PEBP4: variants seen among roughly 807,000 people sequenced by gnomAD.
PEBP4 encodes the protein phosphatidylethanolamine-binding protein 4.
PEBP4 carries 22 observed loss-of-function variants against 23.9 expected under a neutral mutation model. That is an observed-to-expected ratio of 0.92 (90% CI 0.66 to 1.31). PEBP4 has a LOEUF of 1.31. PEBP4 is among the 40% of genes most tolerant of loss of function. The probability of loss-of-function intolerance (pLI) is 0.00; values close to 1 mark genes in which losing one functional copy is unlikely to be tolerated. For missense variants in PEBP4, 324 were observed against 281.7 expected (o/e 1.15, Z -1.07); for synonymous variants, 112 against 99.3 (o/e 1.13, Z -0.76).
chr8:22,777,605 G>A (rs545036609), intron 4 of PEBP4, among the ~76,000 whole-genome samples: 24 of 152,280 alleles, frequency 1.6e-4, no homozygotes, highest in Admixed American at 1.3e-3. Flanking sequence ...TAGCTCCATC[G>A]GATACAGGGT....
At chr8:22,719,334 G>A (rs1295817285) in intron 6 of PEBP4, among the ~76,000 whole-genome samples, 1 of 152,186 alleles carries the variant, frequency 6.6e-6, no homozygotes, top group Non-Finnish European at 1.5e-5. Flanking sequence ...TCCTCTCGTG[G>A]GGCAGAGAGG....
chr8:22,731,518 G>A lies in PEBP4; in HGVS notation c.358-4298C>T, dbSNP rs532401080. On this transcript the variant is annotated intron_variant, in intron 4 of 6. Coordinates refer to ENST00000256404, the MANE Select transcript of PEBP4 (RefSeq NM_144962.3). The stretch of plus-strand genomic sequence containing the variant: ...TGACTGTTTATGTTATTGGCTTCCC[G>A]TCAACAGTAGGCTATTAGTAGTTAA... Among the ~76,000 whole-genome samples, 15 of 152,288 alleles carry A rather than the reference G, an allele frequency of 9.8e-5. 3 individuals carry two copies. The highest frequency in any genetic ancestry group is 2.4e-4 in the African/African-American group (10 of 41,552).
At chr8:22,882,972 C>G (rs1009091861) in intron 3 of PEBP4, among the ~76,000 whole-genome samples, 3 of 152,230 alleles carry the variant, frequency 2.0e-5, no homozygotes, top group African/African-American at 7.2e-5. Flanking sequence ...TTCCCTAGTT[C>G]CCTCTGCCTC....
At chr8:22,903,872 T>C (rs1460868936) in intron 3 of PEBP4, among the ~76,000 whole-genome samples, 1 of 152,190 alleles carries the variant, frequency 6.6e-6, no homozygotes, top group Non-Finnish European at 1.5e-5. Flanking sequence ...AAGGCAGATA[T>C]TGCTCTCCCA....
At chr8:22,846,209 CA>C (rs1807432957) in intron 3 of PEBP4, among the ~76,000 whole-genome samples, 1 of 152,150 alleles carries the variant, frequency 6.6e-6, no homozygotes. Flanking sequence ...TCACAGGCAT[CA>C]GGGGAGGCTG....
chr8:22,865,524 T>TA lies in PEBP4; in HGVS notation c.259-47790dup, dbSNP rs1807874361. Among the ~76,000 whole-genome samples the TA allele has an allele frequency of 6.6e-6, 1 of 151,496 alleles. No individual in the cohort carries two copies. The highest frequency in any genetic ancestry group is 2.4e-5 in the African/African-American group (1 of 41,242). On this transcript the variant is annotated intron_variant, in intron 3 of 6. Coordinates refer to ENST00000256404, the MANE Select transcript of PEBP4 (RefSeq NM_144962.3). This position sits in a 1 kb window ranked among gnomAD's most constrained non-coding sequence, Gnocchi z 6.9. ...GCGAGAAGGAGCCTCGGGGAAGAGC[T>TA]AAAAAAGGCAAGGCGCTGCTGCCGG...
chr8:22,810,693 TGTGTGTGTGTGTGTGTGTGTGAGA>T lies in PEBP4; in HGVS notation c.357+6920_357+6943del, dbSNP rs1192887344. ...GGGTGTGTGTGTGTGTGTGTGTGTG[TGTGTGTGTGTGTGTGTGTGTGAGA>T]GAGAGAGAGAGAAAGAGAAAGAAAG... On this transcript the variant is annotated intron_variant, in intron 4 of 6. Transcript: ENST00000256404. 4.0e-5 allele frequency among the ~76,000 whole-genome samples: 6 copies of T among 148,428 alleles called. No individual in the cohort carries two copies. In the East Asian group the frequency reaches 9.7e-4, roughly 24 times the overall value.
At chr8:22,841,994 CAGA>C (rs1382778868) in intron 3 of PEBP4, among the ~76,000 whole-genome samples, 6 of 152,214 alleles carry the variant, frequency 3.9e-5, no homozygotes, top group Non-Finnish European at 8.8e-5. Flanking sequence ...CATGTAAGGA[CAGA>C]AGAAGGAGAC....
chr8:22,890,265 A>T (rs1053486480), intron 3 of PEBP4, among the ~76,000 whole-genome samples: 7 of 152,232 alleles, frequency 4.6e-5, no homozygotes, highest in African/African-American at 1.7e-4. Flanking sequence ...ACTTTCACTA[A>T]GCTGCAGACA....
chr8:22,909,210 C>T (rs1359378374), intron 3 of PEBP4, among the ~76,000 whole-genome samples: 2 of 152,134 alleles, frequency 1.3e-5, no homozygotes, highest in Non-Finnish European at 2.9e-5. Context: ...AGATAGAGGG[C>T]GATCTCCGCC....
At chr8:22,838,880 T>C (rs1807264911) in intron 3 of PEBP4, among the ~76,000 whole-genome samples, 2 of 152,242 alleles carry the variant, frequency 1.3e-5, no homozygotes, top group East Asian at 3.9e-4. Context: ...ACAGAACGGG[T>C]AGTCATGGGA....
At chr8:22,781,741 G>A (rs1805919419) in intron 4 of PEBP4, among the ~76,000 whole-genome samples, 1 of 152,192 alleles carries the variant, frequency 6.6e-6, no homozygotes, top group African/African-American at 2.4e-5. Flanking sequence ...ACCCTCACAT[G>A]TTTGGTCTTT....
At chr8:22,751,370 C>T (rs139580847) in intron 4 of PEBP4, among the ~76,000 whole-genome samples, 2 of 152,342 alleles carry the variant, frequency 1.3e-5, no homozygotes, top group Non-Finnish European at 2.9e-5. Flanking sequence ...TGCTTCTTCC[C>T]TGCAAATCCT....
chr8:22,754,245 T>A lies in PEBP4; in HGVS notation c.358-27025A>T, dbSNP rs915208749. Among the ~76,000 whole-genome samples the A allele has an allele frequency of 4.7e-4, 71 of 152,258 alleles. No homozygotes were observed. The Middle Eastern group carries it at 0.014, about 29-fold the overall frequency. ...CTCCCTCCTGGTGCTTCCAGTATCTTACATCGTAGTTGTGAAAGTCCCTGG... is the reference window on the plus strand; with the variant it reads ...CTCCCTCCTGGTGCTTCCAGTATCTAACATCGTAGTTGTGAAAGTCCCTGG... On this transcript the variant is annotated intron_variant, in intron 4 of 6. Coordinates refer to ENST00000256404, the MANE Select transcript of PEBP4 (RefSeq NM_144962.3).
chr8:22,868,748 G>C (rs1055316854), intron 3 of PEBP4, among the ~76,000 whole-genome samples: 1 of 152,194 alleles, frequency 6.6e-6, no homozygotes, highest in Non-Finnish European at 1.5e-5. Context: ...AGGAAATGCT[G>C]TTGGCTCAAT....
chr8:22,855,802 A>C (rs1807633835), intron 3 of PEBP4, among the ~76,000 whole-genome samples: 1 of 152,162 alleles, frequency 6.6e-6, no homozygotes, highest in Non-Finnish European at 1.5e-5. Flanking sequence ...GCACTTTAGG[A>C]GGCCAAAGCG....
intron 3 of PEBP4, among the ~76,000 whole-genome samples, chr8:22,904,876 T>C (rs1379453494): frequency 1.3e-5 from 2 of 152,224 alleles, no homozygotes; most frequent in African/African-American, 4.8e-5. Flanking sequence ...AACCAATCTA[T>C]TGTTGAACAT....
chr8:22,781,430 C>T (rs1440216426), intron 4 of PEBP4, among the ~76,000 whole-genome samples: 2 of 152,200 alleles, frequency 1.3e-5, no homozygotes, highest in African/African-American at 4.8e-5. Context: ...ATAACCAGGG[C>T]TGCTTAGTCA....
chr8:22,766,063 AGCCAGCTC>A (rs1805609660), intron 4 of PEBP4, among the ~76,000 whole-genome samples: 1 of 152,270 alleles, frequency 6.6e-6, no homozygotes, highest in Non-Finnish European at 1.5e-5. Flanking sequence ...AGACACAGGC[AGCCAGCTC>A]CTTGGCCTAA....
Sources: allele counts gnomAD v4.1 joint callset (sites outside exome capture counted in the v4.1 genomes callset), GRCh38; gene constraint gnomAD v4.1.1; non-coding constraint Gnocchi (gnomAD v3.1); transcripts MANE v1.5; gene names NCBI Gene and HGNC (gene_info 2026-07-23, HGNC 2026-07-21).